Variants in TEX14 observed in about 807,000 individuals in gnomAD.
TEX14 encodes the protein testis expressed 14, intercellular bridge forming factor.
A neutral mutation model predicts 178.6 loss-of-function variants in TEX14; 168 were observed. The ratio of observed to expected loss-of-function variants is 0.94; its 90% CI spans 0.83 to 1.07. The LOEUF (loss-of-function observed/expected upper bound fraction) is 1.07, where lower values mean the gene tolerates loss of function less well. TEX14 is among the 50% of genes least tolerant of loss of function. The pLI is 0.00. For missense variants in TEX14, 1,730 were observed against 1,753.6 expected (o/e 0.99, Z 0.24); for synonymous variants, 626 against 634.1 (o/e 0.99, Z 0.19).
chr17:58,580,657 T>C (rs575518817), intron 19 of TEX14, among the ~76,000 whole-genome samples: 66 of 152,282 alleles, frequency 4.3e-4, no homozygotes, highest in African/African-American at 1.1e-3. Context: ...AGTCAAATAC[T>C]GTGATTGACA....
chr17:58,581,809 CAACGGGGTTATCT>C, intron 19 of TEX14: 1 of 1,515,322 alleles, frequency 6.6e-7, no homozygotes, highest in Non-Finnish European at 8.9e-7. Context: ...GCAGTGTTAA[CAACGGGGTTATCT>C]AACACTACCC....
intron 19 of TEX14, among the ~76,000 whole-genome samples, chr17:58,584,238 T>G (rs1422045559): frequency 6.6e-6 from 1 of 152,148 alleles, no homozygotes; most frequent in African/African-American, 2.4e-5. Context: ...TGCCAGAAAC[T>G]CATGTGCCAA....
At chr17:58,680,569 C>T (rs954160794) in intron 1 of TEX14, among the ~76,000 whole-genome samples, 1 of 151,904 alleles carries the variant, frequency 6.6e-6, no homozygotes, top group Non-Finnish European at 1.5e-5. Context: ...TGGTAAAACC[C>T]TATCTCTAAT....
chr17:58,584,684 G>C lies in TEX14; in HGVS notation c.3071-84C>G, dbSNP rs973222049. On this transcript the variant is annotated intron_variant, in intron 18 of 31. Transcript: ENST00000349033. ...AGAGGATAAAGGTGGCATGAAAGAA[G>C]AGATGTATACATATTCTGCCAAGAG... 1.7e-5 allele frequency: 19 copies of C among 1,100,180 alleles called. No homozygotes were observed. In the South Asian group the frequency reaches 2.4e-4, roughly 14 times the overall value. The allele number at this position is 1,100,180 out of a possible 1,614,324, so 68.2% of individuals were successfully genotyped here. A position where few individuals can be genotyped will look rare whatever the true frequency, so the allele number is the denominator to read the frequency against.
chr17:58,676,198 A>G (rs2047391814), intron 1 of TEX14, among the ~76,000 whole-genome samples: 1 of 152,152 alleles, frequency 6.6e-6, no homozygotes, highest in Non-Finnish European at 1.5e-5. Context: ...CAAAATGGTG[A>G]AACCCCATCT....
At chr17:58,672,360 G>T (rs932779569) in intron 1 of TEX14, among the ~76,000 whole-genome samples, 1 of 152,180 alleles carries the variant, frequency 6.6e-6, no homozygotes, top group Non-Finnish European at 1.5e-5. Context: ...GAGAAAAAAA[G>T]TTGCAGAATC....
intron 2 of TEX14, among the ~76,000 whole-genome samples, chr17:58,633,370 G>A (rs1207213157): frequency 6.6e-6 from 1 of 152,186 alleles, no homozygotes. Flanking sequence ...AATATCCCAA[G>A]CACCTAATAA....
chr17:58,588,951 T>A (rs1223176418), intron 15 of TEX14, among the ~76,000 whole-genome samples: 3 of 152,072 alleles, frequency 2.0e-5, no homozygotes, highest in Non-Finnish European at 4.4e-5. Context: ...ACATGTACAT[T>A]TTATCATCTA....
intron 6 of TEX14, 61 bp from the exon 7 acceptor site, chr17:58,616,366 G>C: frequency 6.4e-7 from 1 of 1,572,718 alleles, no homozygotes; most frequent in Non-Finnish European, 8.6e-7. Flanking sequence ...AATACATCCA[G>C]AATCTTATCA....
intron 2 of TEX14, among the ~76,000 whole-genome samples, chr17:58,644,605 G>C (rs564368182): frequency 7.0e-6 from 1 of 143,028 alleles, no homozygotes; most frequent in Non-Finnish European, 1.5e-5. Flanking sequence ...CTCTCAAAGT[G>C]CTGGGATTAT....
intron 2 of TEX14, among the ~76,000 whole-genome samples, chr17:58,633,889 A>C (rs540228479): frequency 5.2e-4 from 77 of 149,498 alleles, no homozygotes; most frequent in Admixed American, 4.4e-3. Flanking sequence ...AATCACTTGA[A>C]CCCGGGAGGC....
chr17:58,632,115 C>T (rs954236730), intron 2 of TEX14, among the ~76,000 whole-genome samples: 1 of 152,210 alleles, frequency 6.6e-6, no homozygotes, highest in East Asian at 1.9e-4. Context: ...GTAACGCTGA[C>T]GACTATAAAG....
rs34069174 is a variant in TEX14 at position 58,587,377 on chromosome 17, TA to T, written c.2788+203del. On this transcript the variant is annotated intron_variant, in intron 17 of 31. Coordinates refer to ENST00000349033, the MANE Select transcript of TEX14 (RefSeq NM_031272.5). ...AATATTTCCTATAAAGTCTAGAAATTAAAAAAAAAGCATTTCCCTTCTGAAG... is the reference window on the plus strand; with the variant it reads ...AATATTTCCTATAAAGTCTAGAAATTAAAAAAAAGCATTTCCCTTCTGAAG... 1.2e-3 allele frequency among the ~76,000 whole-genome samples: 184 copies of T among 151,090 alleles called. 2 individuals carry two copies. In the South Asian group the frequency reaches 0.014, roughly 12 times the overall value.
At chr17:58,591,640 G>T (rs769726318) in intron 15 of TEX14, among the ~76,000 whole-genome samples, 1 of 151,220 alleles carries the variant, frequency 6.6e-6, no homozygotes, top group Admixed American at 6.6e-5. Context: ...CCACTAGGGC[G>T]AGGAATAAAA....
chr17:58,577,306 C>A (rs564351201), intron 21 of TEX14, 69 bp downstream of exon 21: 3 of 620,516 alleles, frequency 4.8e-6, no homozygotes, highest in Admixed American at 3.2e-5. Flanking sequence ...TATATAAACA[C>A]GGAGCATTAT....
chr17:58,614,908 C>G (rs1169948920), intron 8 of TEX14, among the ~76,000 whole-genome samples: 1 of 152,150 alleles, frequency 6.6e-6, no homozygotes, highest in East Asian at 1.9e-4. Context: ...GCACAGGGCC[C>G]AAAGTGGGTG....
chr17:58,564,369 A>G (rs1361783229), intron 28 of TEX14: 1 of 152,356 alleles, frequency 6.6e-6, no homozygotes, highest in African/African-American at 2.4e-5. Context: ...GCTACAACAC[A>G]GATGAACTTT....
intron 15 of TEX14, among the ~76,000 whole-genome samples, chr17:58,592,094 T>C (rs1173351042): frequency 1.3e-5 from 2 of 151,800 alleles, no homozygotes; most frequent in East Asian, 3.9e-4. Context: ...AAAAAATTAT[T>C]GCCCTTTTAG....
At chr17:58,606,728 C>T (rs1220754991) in intron 10 of TEX14, among the ~76,000 whole-genome samples, 1 of 149,946 alleles carries the variant, frequency 6.7e-6, no homozygotes, top group Non-Finnish European at 1.5e-5. Context: ...AGTGAGACTC[C>T]ATCTTAAAAA....
Sources: allele counts gnomAD v4.1 joint callset (sites outside exome capture counted in the v4.1 genomes callset), GRCh38; gene constraint gnomAD v4.1.1; transcripts MANE v1.5; gene names NCBI Gene and HGNC (gene_info 2026-07-23, HGNC 2026-07-21).